Variants in FNDC7 observed in about 807,000 individuals in gnomAD.
The protein encoded by FNDC7 is fibronectin type III domain-containing protein 7.
FNDC7 carries 66 observed loss-of-function variants against 74.2 expected under a neutral mutation model. The ratio of observed to expected loss-of-function variants is 0.89; its 90% CI spans 0.73 to 1.09. The LOEUF (loss-of-function observed/expected upper bound fraction) is 1.09, where lower values mean the gene tolerates loss of function less well. FNDC7 is among the 50% of genes least tolerant of loss of function. FNDC7 has a pLI of 0.00. For synonymous variants in FNDC7, 307 were observed against 330.2 expected (o/e 0.93, Z 0.76); for missense variants, 829 against 893.4 (o/e 0.93, Z 0.92).
intron 4 of FNDC7, among the ~76,000 whole-genome samples, chr1:108,719,658 C>T (rs991907924): frequency 1.3e-5 from 2 of 151,926 alleles, no homozygotes; most frequent in Non-Finnish European, 2.9e-5. Context: ...ATTTTCTCAC[C>T]GTCCCACCTA....
chr1:108,713,424 A>T, intron 1 of FNDC7, 87 bp from the exon 2 acceptor site: 1 of 1,115,306 alleles, frequency 9.0e-7, no homozygotes, highest in Non-Finnish European at 1.3e-6. Context: ...TGTTGTGATT[A>T]ATTTATTACC....
intron 1 of FNDC7, 166 bp from the exon 2 acceptor site, chr1:108,713,345 T>C (rs1453184453): frequency 1.5e-6 from 1 of 651,552 alleles, no homozygotes; most frequent in Non-Finnish European, 2.7e-6. Context: ...TAGATTTGGG[T>C]GCTGGGAAAT....
intron 1 of FNDC7, chr1:108,713,307 C>T (rs1334606681): frequency 8.1e-6 from 5 of 614,040 alleles, no homozygotes; most frequent in Non-Finnish European, 1.4e-5. Flanking sequence ...CCTCCAGCCT[C>T]TAAATTCTAT....
intron 5 of FNDC7, among the ~76,000 whole-genome samples, chr1:108,724,729 G>A (rs1161655330): frequency 6.6e-6 from 1 of 151,692 alleles, no homozygotes; most frequent in East Asian, 1.9e-4. Context: ...ACTCCAGCCT[G>A]GGTGACAGAG....
In FNDC7 at chr1:108,728,664, A is replaced by G; in HGVS notation, c.1402A>G (p.Arg468Gly). The G allele has an allele frequency of 1.2e-6, 2 of 1,614,288 alleles. No homozygotes were observed. The highest frequency in any genetic ancestry group is 8.5e-7 in the Non-Finnish European group (1 of 1,180,046). The part of the protein sequence containing the change: ...PCSPEIKNVS[R>G]DAFSMINVHW... ...CAGTCCTGAAATAAAAAATGTTTCA[A>G]GGGATGCATTCTCCATGATTAATGT... Residue 468 changes from arginine (R) to glycine (G), a missense_variant, in exon 8 of 13, where the codon AGG becomes GGG. Physicochemically the swap from Arg to Gly is moderately radical, Grantham distance 125. Transcript: ENST00000370017.
intron 6 of FNDC7, 46 bp downstream of exon 6, chr1:108,726,050 C>T: frequency 6.3e-7 from 1 of 1,599,830 alleles, no homozygotes. Flanking sequence ...AGATCTCTAA[C>T]CTCAGCAGCA....
At chr1:108,741,647 G>A (rs113056242) in intron 11 of FNDC7, 126 bp from the exon 12 acceptor site, 47 of 946,068 alleles carry the variant, frequency 5.0e-5, no homozygotes, top group African/African-American at 1.5e-4. Flanking sequence ...TTTACTTGCC[G>A]TGAAGTGCTG....
At chr1:108,722,646 G>C in intron 5 of FNDC7, 54 bp downstream of exon 5, 3 of 1,532,798 alleles carry the variant, frequency 2.0e-6, no homozygotes, top group Non-Finnish European at 2.6e-6. Flanking sequence ...ACTGCTGTAA[G>C]GGAGACGTTC....
intron 9 of FNDC7, among the ~76,000 whole-genome samples, chr1:108,732,776 C>T (rs971360505): frequency 1.0e-4 from 15 of 147,686 alleles, no homozygotes; most frequent in African/African-American, 3.3e-4. Flanking sequence ...CTTTCTTTTT[C>T]TTTCTTTTTT....
In FNDC7 at chr1:108,730,846, T is replaced by A. The variant is rs778019341; in HGVS notation, c.1797T>A (p.Cys599Ter). Residue 599 changes from cysteine (C) to a stop codon, truncating the protein, a stop_gained, in exon 9 of 13, where the codon TGT (cysteine) becomes TGA (stop). Transcript: ENST00000370017. LOFTEE classifies it high-confidence loss of function. The stretch of plus-strand genomic sequence containing the variant: ...ACTGCCTCCTAGGATGCATCACATG[T>A]GGCATCAATTACACAGTGACATTAA... Reference protein sequence around the residue: ...QNHCLLGCITCGINYTVTLKA... With the variant: ...QNHCLLGCIT 1 of 1,614,080 alleles carries A rather than the reference T, an allele frequency of 6.2e-7. No individual in the cohort carries two copies. Among genetic ancestry groups the A allele is most frequent in the East Asian group, 2.2e-5 (1 of 44,884 alleles).
At chr1:108,713,440 T>A (rs781509096) in intron 1 of FNDC7, 71 bp from the exon 2 acceptor site, 4 of 1,273,852 alleles carry the variant, frequency 3.1e-6, no homozygotes, top group Non-Finnish European at 4.5e-6. Flanking sequence ...TTACCGCTTT[T>A]ATTCATGTTT....
Position 108,728,510 on chromosome 1 carries a change from G to A in FNDC7, c.1370-122G>A, listed in dbSNP as rs201833796. Reference sequence around the variant, plus strand: ...CGCATAGGCACTATGAATTTGGCCCGCATGCATGACGTGGTTGAAAACTGT... The same window carrying A: ...CGCATAGGCACTATGAATTTGGCCCACATGCATGACGTGGTTGAAAACTGT... On this transcript the variant is annotated intron_variant, in intron 7 of 12. Coordinates refer to ENST00000370017, the MANE Select transcript of FNDC7 (RefSeq NM_001144937.3). The A allele has an allele frequency of 8.1e-5, 91 of 1,127,046 alleles. No individual in the cohort carries two copies. In the East Asian group the frequency reaches 9.5e-4, roughly 12 times the overall value. 69.8% of individuals were successfully genotyped at this position (1,127,046 alleles called of 1,614,324 possible). A position where few individuals can be genotyped will look rare whatever the true frequency, so the allele number is the denominator to read the frequency against.
Position 108,741,798 on chromosome 1 carries a change from A to C in FNDC7, c.2196A>C (p.Glu732Asp). Reference protein sequence around the residue: ...GMVIYRGKRNEE With the variant: ...GMVIYRGKRNDE ...TGATTTATAGAGGGAAGAGAAATGA[A>C]GAATGACAAAGTGAGCCCCAGATAA... Residue 732 changes from glutamate to aspartate, a missense_variant, in exon 12 of 13, where the codon GAA becomes GAC. Physicochemically the swap from Glu to Asp is conservative, Grantham distance 45. Coordinates refer to ENST00000370017, the MANE Select transcript of FNDC7 (RefSeq NM_001144937.3). 1.2e-6 allele frequency: 2 copies of C among 1,613,936 alleles called. No individual in the cohort carries two copies. Among genetic ancestry groups the C allele is most frequent in the Non-Finnish European group, 1.7e-6 (2 of 1,179,972 alleles).
chr1:108,730,641 A>G, intron 8 of FNDC7, 33 bp from the exon 9 acceptor site: 1 of 1,486,796 alleles, frequency 6.7e-7, no homozygotes, highest in Non-Finnish European at 9.0e-7. Context: ...GTGGAAATAA[A>G]TCTCCAATTC....
At chr1:108,713,468 T>A in intron 1 of FNDC7, 43 bp from the exon 2 acceptor site, 1 of 1,531,228 alleles carries the variant, frequency 6.5e-7, no homozygotes, top group Non-Finnish European at 8.9e-7. Flanking sequence ...GTTCAAGTTG[T>A]GTTTTTCTGT....
Position 108,722,475 on chromosome 1 carries a change from A to G in FNDC7, c.739A>G (p.Thr247Ala). 1 of 1,614,238 alleles carries G rather than the reference A, an allele frequency of 6.2e-7. No homozygotes were observed. Among genetic ancestry groups the G allele is most frequent in the East Asian group, 2.2e-5 (1 of 44,890 alleles). The change falls in exon 5 of 13, where the codon ACT (threonine) becomes GCT (alanine). Residue 247 changes from threonine to alanine, a missense_variant. Transcript: ENST00000370017. Reference protein sequence around the residue: ...SDSSELTCSTTFSSCTISSLQ... With the variant: ...SDSSELTCSTAFSSCTISSLQ... ...CTCTTCAGAGCTGACCTGCAGTACA[A>G]CTTTCAGTTCCTGCACCATCTCTTC... is the stretch of plus-strand genomic sequence containing the variant.
At chr1:108,735,318 C>T (rs144191192) in intron 10 of FNDC7, among the ~76,000 whole-genome samples, 1 of 152,338 alleles carries the variant, frequency 6.6e-6, no homozygotes, top group African/African-American at 2.4e-5. Context: ...TGTCCTCACT[C>T]CAGCCTCTGT....
At position 108,737,898 on chromosome 1, in the gene FNDC7, T is replaced by C. The variant is rs1257692083; in HGVS notation, c.2170+374T>C. Among the ~76,000 whole-genome samples, 3 of 152,196 alleles carry C rather than the reference T, an allele frequency of 2.0e-5. No individual in the cohort carries two copies. The East Asian group carries it at 5.8e-4, about 29-fold the overall frequency. On this transcript the variant is annotated intron_variant, in intron 11 of 12. Coordinates refer to ENST00000370017, the MANE Select transcript of FNDC7 (RefSeq NM_001144937.3). Reference sequence around the variant, plus strand: ...GATGTCTGGTTCTGTCCCCAGAAAGTTTGATTTAATGGGTCTGGGGTGAGA... The same window carrying C: ...GATGTCTGGTTCTGTCCCCAGAAAGCTTGATTTAATGGGTCTGGGGTGAGA...
At chr1:108,716,165 C>T (rs1387192566) in intron 2 of FNDC7, among the ~76,000 whole-genome samples, 2 of 152,088 alleles carry the variant, frequency 1.3e-5, no homozygotes, top group Non-Finnish European at 2.9e-5. Context: ...TGTCATTTTC[C>T]CAGGAAGTTA....
Sources: gnomAD v4.1 joint callset for allele counts (sites outside exome capture counted in the v4.1 genomes callset) on GRCh38, gnomAD v4.1.1 for gene constraint, MANE v1.5 for transcripts, NCBI Gene and HGNC (gene_info 2026-07-23, HGNC 2026-07-21) for gene names.